The following MACROD2 variants were observed in gnomAD, a reference collection of about 807,000 sequenced individuals.
MACROD2 encodes ADP-ribose glycohydrolase MACROD2.
A neutral mutation model predicts 70.4 loss-of-function variants in MACROD2; 36 were observed. The ratio of observed to expected loss-of-function variants is 0.51; its 90% CI spans 0.39 to 0.68. The LOEUF is 0.68. Ranked by LOEUF, MACROD2 falls within the 30% of genes least tolerant of loss-of-function variation. The pLI, the probability that MACROD2 is intolerant of heterozygous loss-of-function variation, is 0.00. For missense variants in MACROD2, 496 were observed against 538.4 expected (o/e 0.92, Z 0.78); for synonymous variants, 172 against 178.8 (o/e 0.96, Z 0.30).
chr20:16,026,093 C>A (rs1344263181), intron 15 of MACROD2, among the ~76,000 whole-genome samples: 1 of 152,086 alleles, frequency 6.6e-6, no homozygotes, highest in Non-Finnish European at 1.5e-5. Flanking sequence ...GTGAAGGTTG[C>A]AGTGAGTCAA....
chr20:15,280,397 ATC>A (rs1432042781), intron 6 of MACROD2, among the ~76,000 whole-genome samples: 1 of 152,198 alleles, frequency 6.6e-6, no homozygotes, highest in Non-Finnish European at 1.5e-5. Flanking sequence ...TTCTGCAGAC[ATC>A]TCAGTTAAGC....
chr20:15,290,032 T>G (rs537089485), intron 6 of MACROD2, among the ~76,000 whole-genome samples: 1 of 152,288 alleles, frequency 6.6e-6, no homozygotes, highest in South Asian at 2.1e-4. Flanking sequence ...CTGAATCTGT[T>G]TACTCATACA....
chr20:15,654,499 TACA>T (rs2049698125), intron 8 of MACROD2, among the ~76,000 whole-genome samples: 1 of 152,180 alleles, frequency 6.6e-6, no homozygotes, highest in Non-Finnish European at 1.5e-5. Flanking sequence ...AATACACAAT[TACA>T]AGCCAAAGTA....
At chr20:15,967,497 C>A in intron 12 of MACROD2, 56 bp from the exon 13 acceptor site, 2 of 1,373,354 alleles carry the variant, frequency 1.5e-6, no homozygotes, top group Non-Finnish European at 2.1e-6. Context: ...GTGCTGAAAG[C>A]TGCTCTGTTT....
At chr20:14,750,220 T>TA in intron 5 of MACROD2, among the ~76,000 whole-genome samples, 1 of 152,112 alleles carries the variant, frequency 6.6e-6, no homozygotes, top group Non-Finnish European at 1.5e-5. Flanking sequence ...TTATGTGTAT[T>TA]TTATCATATA....
chr20:15,987,263 G>T, intron 15 of MACROD2, 105 bp downstream of exon 15: 1 of 899,406 alleles, frequency 1.1e-6, no homozygotes. Flanking sequence ...AGTTTGTAAA[G>T]GGGGAAAACG....
intron 3 of MACROD2, among the ~76,000 whole-genome samples, chr20:14,223,778 G>A (rs947428553): frequency 1.3e-5 from 2 of 152,128 alleles, no homozygotes; most frequent in African/African-American, 2.4e-5. Flanking sequence ...GAGTACAGGC[G>A]TGAGCCACCG....
At chr20:15,762,250 C>T (rs963469543) in intron 8 of MACROD2, among the ~76,000 whole-genome samples, 3 of 152,062 alleles carry the variant, frequency 2.0e-5, no homozygotes, top group East Asian at 1.9e-4. Context: ...TCCTGTGAGG[C>T]GAATGTTACT....
chr20:15,336,227 G>A (rs984769306), intron 6 of MACROD2, among the ~76,000 whole-genome samples: 3 of 151,420 alleles, frequency 2.0e-5, no homozygotes, highest in Non-Finnish European at 2.9e-5. Context: ...AATTTCCCCC[G>A]CAGGTAGCAC....
At chr20:14,968,040 A>G (rs1426687204) in intron 5 of MACROD2, among the ~76,000 whole-genome samples, 1 of 152,158 alleles carries the variant, frequency 6.6e-6, no homozygotes, top group East Asian at 1.9e-4. Flanking sequence ...ATTTTAAGTT[A>G]TTATATCAAA....
intron 5 of MACROD2, among the ~76,000 whole-genome samples, chr20:15,129,117 T>A (rs2076086982): frequency 6.6e-6 from 1 of 152,054 alleles, no homozygotes; most frequent in South Asian, 2.1e-4. Context: ...TACATTTTTA[T>A]TAGAAAAATA....
At chr20:15,977,276 A>G (rs905949910) in intron 13 of MACROD2, among the ~76,000 whole-genome samples, 1 of 152,228 alleles carries the variant, frequency 6.6e-6, no homozygotes, top group Non-Finnish European at 1.5e-5. Flanking sequence ...CCCTCTCAGT[A>G]TCATCCACCC....
intron 2 of MACROD2, among the ~76,000 whole-genome samples, chr20:14,027,816 C>T (rs1161303171): frequency 2.0e-5 from 3 of 152,118 alleles, no homozygotes; most frequent in Admixed American, 1.3e-4. Flanking sequence ...TGCCAGATGC[C>T]AGCCGGAGCT....
chr20:14,885,289 A>G (rs936341474), intron 5 of MACROD2, among the ~76,000 whole-genome samples: 2 of 152,098 alleles, frequency 1.3e-5, no homozygotes, highest in Non-Finnish European at 2.9e-5. Context: ...CCCACCCTAG[A>G]AATACATGTA....
chr20:14,213,360 G>GGAAAA (rs1569208734), intron 3 of MACROD2, among the ~76,000 whole-genome samples: 1 of 1,190 alleles, frequency 8.4e-4, no homozygotes, highest in Non-Finnish European at 1.7e-3. Context: ...GCTTCTAGTG[G>GGAAAA]CAAAAAAAAA....
At chr20:14,265,693 T>G (rs1036123271) in intron 3 of MACROD2, among the ~76,000 whole-genome samples, 1 of 152,122 alleles carries the variant, frequency 6.6e-6, no homozygotes, top group African/African-American at 2.4e-5. Context: ...ATATCTCACA[T>G]TTTAAAAACG....
intron 3 of MACROD2, among the ~76,000 whole-genome samples, chr20:14,474,768 T>A (rs1268346916): frequency 6.6e-6 from 1 of 152,160 alleles, no homozygotes; most frequent in Non-Finnish European, 1.5e-5. Flanking sequence ...GTCTATTTTA[T>A]CTGCAATGAA....
chr20:14,803,162 T>C (rs1297114450), intron 5 of MACROD2, among the ~76,000 whole-genome samples: 1 of 152,106 alleles, frequency 6.6e-6, no homozygotes, highest in Non-Finnish European at 1.5e-5. Context: ...GTAATTGAGG[T>C]TATGGCACAG....
Position 14,124,252 on chromosome 20 carries a change from G to A in MACROD2, c.271+38524G>A, listed in dbSNP as rs139792186. On this transcript the variant is annotated intron_variant, in intron 3 of 17. Coordinates refer to ENST00000684519, the MANE Select transcript of MACROD2 (RefSeq NM_001351661.2). ...AACTGTTTTTTATTTCATTTCTTTT[G>A]GGATGCCTAATTGAATTGAAACTTC... Among the ~76,000 whole-genome samples, 507 of 152,010 alleles carry A rather than the reference G, an allele frequency of 3.3e-3. 5 individuals are homozygous for A. Among genetic ancestry groups the A allele is most frequent in the African/African-American group, 0.012 (488 of 41,460 alleles).
Sources: gnomAD v4.1 joint callset for allele counts (sites outside exome capture counted in the v4.1 genomes callset) on GRCh38, gnomAD v4.1.1 for gene constraint, MANE v1.5 for transcripts, NCBI Gene and HGNC (gene_info 2026-07-23, HGNC 2026-07-21) for gene names.